ZNF254: variants seen among roughly 807,000 people sequenced by gnomAD.
ZNF254 encodes CTD-2017D11.1.
ZNF254 carries 10 observed loss-of-function variants against 12.4 expected under a neutral mutation model. That is an observed-to-expected ratio of 0.80 (90% CI 0.50 to 1.36). The LOEUF (loss-of-function observed/expected upper bound fraction) is 1.36, where lower values mean the gene tolerates loss of function less well. Among genes scored for constraint, ZNF254 ranks in the 40% most tolerant of loss-of-function variants. ZNF254 has a pLI of 0.00. For synonymous variants in ZNF254, 305 were observed against 253.4 expected (o/e 1.20, Z -1.93); for missense variants, 996 against 763.9 (o/e 1.30, Z -3.58).
chr19:24,090,778 G>C (rs1318657350), intron 1 of ZNF254, among the ~76,000 whole-genome samples: 2 of 152,080 alleles, frequency 1.3e-5, no homozygotes, highest in African/African-American at 2.4e-5. Context: ...TATTAGTAGA[G>C]CTTGAAAGGT....
At chr19:24,124,762 T>C (rs369028895) in intron 3 of ZNF254, among the ~76,000 whole-genome samples, 1 of 151,834 alleles carries the variant, frequency 6.6e-6, no homozygotes, top group East Asian at 1.9e-4. Context: ...CACATCACTT[T>C]TTTTCTTTTT....
At chr19:24,057,869 T>A (rs1970919685) in intron 2 of ZNF254, among the ~76,000 whole-genome samples, 1 of 152,210 alleles carries the variant, frequency 6.6e-6, no homozygotes, top group South Asian at 2.1e-4. Flanking sequence ...AGGTGTTGAC[T>A]CTCATACCAA....
rs80032864 is a variant in ZNF254 at position 24,071,221 on chromosome 19, C to T, written c.-94+24942C>T. ...GTAACATATCTGGGCCAAGCACCTA[C>T]GTGATGTTACTCTTTGCTCCTTCCT... On this transcript the variant is annotated intron_variant, in intron 2 of 4. Transcript: ENST00000613065. 8.0e-3 allele frequency among the ~76,000 whole-genome samples: 1,225 copies of T among 152,220 alleles called. 14 individuals are homozygous for T. Among genetic ancestry groups the T allele is most frequent in the African/African-American group, 0.028 (1,145 of 41,526 alleles).
chr19:24,084,552 A>AAATAAT (rs922578500), upstream of ZNF254, among the ~76,000 whole-genome samples: 11 of 151,920 alleles, frequency 7.2e-5, no homozygotes, highest in African/African-American at 2.7e-4. Flanking sequence ...AAAACTTTGG[A>AAATAAT]AATAATAATA....
At chr19:24,099,555 A>G (rs1972885905) in intron 1 of ZNF254, among the ~76,000 whole-genome samples, 1 of 152,208 alleles carries the variant, frequency 6.6e-6, no homozygotes, top group African/African-American at 2.4e-5. Context: ...TCACTTTTGT[A>G]GAAGAGTGAA....
At position 24,115,121 on chromosome 19, in the gene ZNF254, T is replaced by A. The variant is rs1171192203; in HGVS notation, c.253+8478T>A. ...CCATTGTGGAAGTCAGTGTGGCGATTCCTCAGGGATCTAGAACTAGAAATA... is the reference window on the plus strand; with the variant it reads ...CCATTGTGGAAGTCAGTGTGGCGATACCTCAGGGATCTAGAACTAGAAATA... On this transcript the variant is annotated intron_variant, in intron 3 of 3. Coordinates refer to ENST00000357002, the MANE Select transcript of ZNF254 (RefSeq NM_203282.4). Among the ~76,000 whole-genome samples, 3 of 152,232 alleles carry A rather than the reference T, an allele frequency of 2.0e-5. No homozygotes were observed. In the East Asian group the frequency reaches 5.8e-4, roughly 29 times the overall value.
intron 3 of ZNF254, among the ~76,000 whole-genome samples, chr19:24,109,129 C>G (rs1478763217): frequency 6.6e-6 from 1 of 152,186 alleles, no homozygotes; most frequent in African/African-American, 2.4e-5. Flanking sequence ...TGCTTCTAAA[C>G]TTGGATTACA....
At chr19:24,074,788 T>G (rs1250611684) in intron 2 of ZNF254, among the ~76,000 whole-genome samples, 1 of 152,156 alleles carries the variant, frequency 6.6e-6, no homozygotes, top group Non-Finnish European at 1.5e-5. Context: ...TGTAGCTGGG[T>G]CCAGCTCTTA....
chr19:24,063,786 T>TC (rs1201772273), intron 2 of ZNF254: 1 of 151,950 alleles, frequency 6.6e-6, no homozygotes, highest in Non-Finnish European at 1.5e-5. Flanking sequence ...TGTTACTTTT[T>TC]TTTTTTTTTT....
At chr19:24,120,705 C>A (rs1186927105) in intron 3 of ZNF254, among the ~76,000 whole-genome samples, 1 of 151,938 alleles carries the variant, frequency 6.6e-6, no homozygotes, top group Non-Finnish European at 1.5e-5. Flanking sequence ...CTCTGTCACC[C>A]AGGCTGGAGT....
chr19:24,099,632 C>G (rs1377463326), intron 1 of ZNF254, among the ~76,000 whole-genome samples: 1 of 152,166 alleles, frequency 6.6e-6, no homozygotes, highest in East Asian at 1.9e-4. Context: ...ATGTGAAAAG[C>G]TTATTTTGTC....
upstream of ZNF254, among the ~76,000 whole-genome samples, chr19:24,083,202 C>T (rs907844147): frequency 3.9e-5 from 6 of 152,186 alleles, no homozygotes; most frequent in South Asian, 1.2e-3. Context: ...AAGAACTCAA[C>T]CCCTTTTAAA....
At position 24,127,600 on chromosome 19, in the gene ZNF254, A is replaced by T; in HGVS notation, c.1600A>T (p.Thr534Ser). ...AGCCTTTAACTGGTCCTCAACTCTT[A>T]CTAAACATAAGATAATTCATACTGA... Reference protein sequence around the residue: ...GKAFNWSSTLTKHKIIHTEEK... With the variant: ...GKAFNWSSTLSKHKIIHTEEK... Residue 534 changes from threonine to serine, a missense_variant, in exon 4 of 4, where the codon ACT becomes TCT. By Grantham distance (58) the Thr-to-Ser change is moderately conservative (BLOSUM62 1). Coordinates refer to ENST00000357002, the MANE Select transcript of ZNF254 (RefSeq NM_203282.4). 6.2e-7 allele frequency: 1 copy of T among 1,608,140 alleles called. No homozygotes were observed. The highest frequency in any genetic ancestry group is 8.5e-7 in the Non-Finnish European group (1 of 1,176,828).
intron 2 of ZNF254, among the ~76,000 whole-genome samples, chr19:24,050,221 G>A (rs988000457): frequency 7.2e-5 from 11 of 152,026 alleles, no homozygotes; most frequent in East Asian, 1.9e-4. Context: ...GTGCAGTGGC[G>A]TGATCTCTGC....
rs540970778 is a variant in ZNF254 at position 24,091,824 on chromosome 19, A to G, written c.30+4487A>G. The G allele has an allele frequency of 6.1e-6, 6 of 981,274 alleles. No homozygotes were observed. The African/African-American group carries it at 8.8e-5, about 14-fold the overall frequency. 60.8% of individuals were successfully genotyped at this position (981,274 alleles called of 1,614,324 possible). On this transcript the variant is annotated intron_variant, in intron 1 of 3. Coordinates refer to ENST00000357002, the MANE Select transcript of ZNF254 (RefSeq NM_203282.4). The stretch of plus-strand genomic sequence containing the variant: ...CCTGTTATTTTGATTTTTGAGTTTA[A>G]TGCTAAATTTTATGTGATGAAACTT...
At chr19:24,051,481 C>A (rs967714271) in intron 2 of ZNF254, among the ~76,000 whole-genome samples, 9 of 152,186 alleles carry the variant, frequency 5.9e-5, no homozygotes, top group Admixed American at 1.3e-4. Flanking sequence ...TTTGTTTGGA[C>A]TGTCTTCTTG....
chr19:24,116,620 A>AAG (rs146562681), intron 3 of ZNF254, among the ~76,000 whole-genome samples: 21,743 of 151,946 alleles, frequency 0.14, 2,553 homozygotes, highest in African/African-American at 0.32. Context: ...AAAGTTTTTA[A>AAG]CTTCTTTGCC....
At chr19:24,035,821 A>T (rs1306208158) in intron 1 of ZNF254, among the ~76,000 whole-genome samples, 1 of 152,098 alleles carries the variant, frequency 6.6e-6, no homozygotes, top group Admixed American at 6.6e-5. Flanking sequence ...AGGCAAAAAA[A>T]TAGCAATTTA....
intron 3 of ZNF254, among the ~76,000 whole-genome samples, chr19:24,119,517 T>C (rs190319203): frequency 3.9e-5 from 6 of 152,174 alleles, no homozygotes; most frequent in African/African-American, 1.2e-4. Context: ...TGAGATAGGG[T>C]CTCACTCTCT....
Sources: gnomAD v4.1 joint callset for allele counts (sites outside exome capture counted in the v4.1 genomes callset) on GRCh38, gnomAD v4.1.1 for gene constraint, MANE v1.5 for transcripts, NCBI Gene and HGNC (gene_info 2026-07-23, HGNC 2026-07-21) for gene names.